SENP6: variants seen among roughly 807,000 people sequenced by gnomAD.
SENP6 encodes the protein sentrin-specific protease 6.
In SENP6, 41 loss-of-function variants were observed where a neutral mutation model predicts 134.5. The ratio of observed to expected loss-of-function variants is 0.30; its 90% confidence interval spans 0.24 to 0.40. SENP6 has a LOEUF of 0.40. SENP6 is among the 10% of genes least tolerant of loss of function. The pLI is 1.00. For missense variants in SENP6, 1,248 were observed against 1,312.5 expected (o/e 0.95, Z 0.76); for synonymous variants, 395 against 429.8 (o/e 0.92, Z 1.00).
At chr6:75,611,785 G>T (rs1247087451) in intron 1 of SENP6, 1 of 152,196 alleles carries the variant, frequency 6.6e-6, no homozygotes, top group Non-Finnish European at 1.5e-5. Flanking sequence ...TCCATAGAAA[G>T]TTAAGGAGTT....
At chr6:75,682,855 G>T (rs1344808700) in intron 16 of SENP6, among the ~76,000 whole-genome samples, 1 of 152,128 alleles carries the variant, frequency 6.6e-6, no homozygotes, top group Middle Eastern at 3.4e-3. Context: ...GAATAGTGCC[G>T]CAATAAACAT....
chr6:75,693,060 C>A (rs114101192), intron 16 of SENP6, among the ~76,000 whole-genome samples: 1,743 of 152,202 alleles, frequency 0.011, 32 homozygotes, highest in African/African-American at 0.039. Flanking sequence ...AAATACATTT[C>A]CTTTTTTTAA....
At chr6:75,704,922 T>C (rs1775290069) in intron 19 of SENP6, among the ~76,000 whole-genome samples, 2 of 152,170 alleles carry the variant, frequency 1.3e-5, no homozygotes, top group Admixed American at 6.5e-5. Context: ...ATACAACACA[T>C]GTTTTTGTGA....
chr6:75,634,598 T>G, intron 4 of SENP6, 109 bp from the exon 5 acceptor site: 1 of 558,780 alleles, frequency 1.8e-6, no homozygotes, highest in Non-Finnish European at 3.0e-6. Context: ...TTTTTTGTTG[T>G]TGTTGGTAAA....
At chr6:75,707,343 TTTC>T (rs1412334139) in intron 19 of SENP6, among the ~76,000 whole-genome samples, 55 of 147,558 alleles carry the variant, frequency 3.7e-4, no homozygotes, top group African/African-American at 8.8e-4. Context: ...TATTTTTTTC[TTTC>T]TTCTTCTTCT....
intron 3 of SENP6, among the ~76,000 whole-genome samples, chr6:75,629,678 C>T (rs1768962242): frequency 6.6e-6 from 1 of 152,132 alleles, no homozygotes. Flanking sequence ...TTGTGTGTCC[C>T]AGGGATATAT....
chr6:75,710,889 A>G (rs1339396138), intron 20 of SENP6, among the ~76,000 whole-genome samples: 4 of 152,198 alleles, frequency 2.6e-5, no homozygotes, highest in Admixed American at 1.3e-4. Flanking sequence ...CAGTGTTTCC[A>G]AAAACCCTTT....
In SENP6 at chr6:75,602,281, C is replaced by T. The variant is rs983241148; in HGVS notation, c.-244C>T. The T allele has an allele frequency of 4.1e-5, 16 of 393,418 alleles. No homozygotes were observed. Among genetic ancestry groups the T allele is most frequent in the Non-Finnish European group, 5.8e-5 (13 of 222,660 alleles). 24.4% of individuals were successfully genotyped at this position (393,418 alleles called of 1,614,324 possible). A position where few individuals can be genotyped will look rare whatever the true frequency, so the allele number is the denominator to read the frequency against. On this transcript the variant is annotated 5_prime_UTR_variant, in exon 1 of 24. Transcript: ENST00000447266. ...GTCGTCGTCGCCGGTCGCGTTCCCC[C>T]GGAGAGGCCTGAGAAGCTCGGGCCG...
intron 3 of SENP6, among the ~76,000 whole-genome samples, chr6:75,625,644 A>C (rs1768627709): frequency 6.6e-6 from 1 of 152,198 alleles, no homozygotes; most frequent in Admixed American, 6.5e-5. Context: ...CAAAGCAGGC[A>C]GATCACTTGA....
intron 10 of SENP6, 76 bp from the exon 11 acceptor site, chr6:75,670,477 C>A: frequency 1.0e-6 from 1 of 963,452 alleles, no homozygotes; most frequent in Non-Finnish European, 1.5e-6. Flanking sequence ...TATATTGGGT[C>A]TTTGCATATG....
intron 11 of SENP6, among the ~76,000 whole-genome samples, chr6:75,675,054 C>A (rs907597719): frequency 1.3e-5 from 2 of 151,868 alleles, no homozygotes; most frequent in African/African-American, 4.8e-5. Context: ...CATGTTGTAA[C>A]CACCAGTAAT....
chr6:75,668,759 C>T (rs1318504801), intron 10 of SENP6, among the ~76,000 whole-genome samples: 1 of 152,188 alleles, frequency 6.6e-6, no homozygotes, highest in South Asian at 2.1e-4. Flanking sequence ...AGATGTCCAG[C>T]ATATGAGTTC....
intron 1 of SENP6, among the ~76,000 whole-genome samples, chr6:75,605,396 CTT>C (rs201663177): frequency 2.6e-5 from 4 of 152,120 alleles, no homozygotes; most frequent in African/African-American, 9.6e-5. Context: ...AAAGTAATGA[CTT>C]TTTTTTCACC....
At position 75,711,513 on chromosome 6, in the gene SENP6, A is replaced by G. The variant is rs1218555640; in HGVS notation, c.2909+97A>G. ...TTTTTTTTAAATAAATACTTAAGCA[A>G]AACTCATAAATGCTGTCAGAGTCAG... On this transcript the variant is annotated intron_variant, in intron 21 of 23. Transcript: ENST00000447266. 4.0e-5 allele frequency: 28 copies of G among 694,684 alleles called. No homozygotes were observed. The East Asian group carries it at 7.9e-4, about 19-fold the overall frequency. The allele number at this position is 694,684 out of a possible 1,614,324, so 43.0% of individuals were successfully genotyped here.
chr6:75,642,159 C>T (rs1770078085), intron 6 of SENP6, among the ~76,000 whole-genome samples: 1 of 152,140 alleles, frequency 6.6e-6, no homozygotes, highest in African/African-American at 2.4e-5. Context: ...TTATTCATTC[C>T]AAGTATTTAT....
Position 75,716,491 on chromosome 6 carries a change from T to G in SENP6, c.*897T>G, listed in dbSNP as rs1047518341. 8.6e-5 allele frequency: 13 copies of G among 152,018 alleles called. No homozygotes were observed. Among genetic ancestry groups the G allele is most frequent in the Admixed American group, 3.9e-4 (6 of 15,264 alleles). The allele number at this position is 152,018 out of a possible 1,614,324, so 9.4% of individuals were successfully genotyped here. A position where few individuals can be genotyped will look rare whatever the true frequency, so the allele number is the denominator to read the frequency against. ...AAAGCTTTTGCTATTTTTTCATTGCTCATTTTGTTCTTATTATTTTGATAA... is the reference window on the plus strand; with the variant it reads ...AAAGCTTTTGCTATTTTTTCATTGCGCATTTTGTTCTTATTATTTTGATAA... On this transcript the variant is annotated 3_prime_UTR_variant, in exon 24 of 24. Transcript: ENST00000447266.
chr6:75,620,490 C>T (rs1768184662), intron 1 of SENP6, among the ~76,000 whole-genome samples: 1 of 152,118 alleles, frequency 6.6e-6, no homozygotes, highest in Non-Finnish European at 1.5e-5. Flanking sequence ...GGCAAACAGG[C>T]TCCATTGGGC....
intron 16 of SENP6, among the ~76,000 whole-genome samples, chr6:75,686,619 T>C (rs1773860180): frequency 6.6e-6 from 1 of 152,150 alleles, no homozygotes. Flanking sequence ...AGCATTTGCT[T>C]TGTCTGTAAA....
intron 1 of SENP6, among the ~76,000 whole-genome samples, chr6:75,604,244 GT>G (rs567811798): frequency 3.5e-4 from 54 of 152,290 alleles, no homozygotes; most frequent in African/African-American, 1.3e-3. Flanking sequence ...TAATCTAAGG[GT>G]CTTTGAATGT....
Sources: allele counts gnomAD v4.1 joint callset (sites outside exome capture counted in the v4.1 genomes callset), GRCh38; gene constraint gnomAD v4.1.1; transcripts MANE v1.5; gene names NCBI Gene and HGNC (gene_info 2026-07-23, HGNC 2026-07-21).